YES1: variants seen among roughly 807,000 people sequenced by gnomAD.
YES1 encodes the protein YES proto-oncogene 1, Src family tyrosine kinase.
YES1 carries 39 observed loss-of-function variants against 70.4 expected under a neutral mutation model. The ratio of observed to expected loss-of-function variants is 0.55; its 90% CI spans 0.43 to 0.72. The LOEUF is 0.72. YES1 is among the 30% of genes least tolerant of loss of function. YES1 has a pLI of 0.00. For missense variants in YES1, 495 were observed against 644.8 expected (o/e 0.77, Z 2.52); for synonymous variants, 198 against 218.6 (o/e 0.91, Z 0.83).
chr18:806,563 C>G (rs892874048), intron 1 of YES1, among the ~76,000 whole-genome samples: 1 of 152,184 alleles, frequency 6.6e-6, no homozygotes. Context: ...TCCCTACATA[C>G]AATTCAGAAT....
intron 1 of YES1, among the ~76,000 whole-genome samples, chr18:765,486 G>A (rs7504637): frequency 1.4e-5 from 2 of 147,962 alleles, no homozygotes; most frequent in Non-Finnish European, 3.0e-5. Flanking sequence ...GCAACCTCCC[G>A]CTCCCCGGTT....
At chr18:805,651 C>T (rs1251827903) in intron 1 of YES1, among the ~76,000 whole-genome samples, 1 of 152,204 alleles carries the variant, frequency 6.6e-6, no homozygotes. Flanking sequence ...CTCTACCTTC[C>T]AGTCCTTTCC....
chr18:786,475 ACAT>A (rs1905946224), intron 1 of YES1, among the ~76,000 whole-genome samples: 1 of 148,262 alleles, frequency 6.7e-6, no homozygotes, highest in African/African-American at 2.5e-5. Context: ...ATTACTATAA[ACAT>A]CATCATTAAT....
Position 746,020 on chromosome 18 carries a change from C to T in YES1, c.502G>A (p.Ala168Thr). The T allele has an allele frequency of 1.9e-6, 3 of 1,612,544 alleles. No individual in the cohort carries two copies. The highest frequency in any genetic ancestry group is 2.5e-6 in the Non-Finnish European group (3 of 1,179,594). ...WYFGKMGRKDAERLLLNPGNQ... is the reference protein window; with the variant it reads ...WYFGKMGRKDTERLLLNPGNQ... Reference sequence around the variant, plus strand: ...CCAGGATTCAAAAGTAATCTTTCAGCATCTTTTCTCCCCATTTTGCCAAAA... The same window carrying T: ...CCAGGATTCAAAAGTAATCTTTCAGTATCTTTTCTCCCCATTTTGCCAAAA... Residue 168 changes from alanine (A) to threonine (T), a missense_variant, in exon 5 of 12, where the codon GCT becomes ACT. Physicochemically the swap from Ala to Thr is moderately conservative, Grantham distance 58. Coordinates refer to ENST00000314574, the MANE Select transcript of YES1 (RefSeq NM_005433.4).
intron 3 of YES1, among the ~76,000 whole-genome samples, chr18:749,222 G>A (rs952104225): frequency 6.6e-6 from 1 of 151,518 alleles, no homozygotes; most frequent in African/African-American, 2.4e-5. Context: ...GGCCGGGCGC[G>A]GTGGCTTACG....
At chr18:758,147 T>C (rs1275084036) in intron 1 of YES1, among the ~76,000 whole-genome samples, 1 of 152,228 alleles carries the variant, frequency 6.6e-6, no homozygotes, top group East Asian at 1.9e-4. Context: ...TAGTATTTTA[T>C]TTAACCCAGT....
intron 1 of YES1, among the ~76,000 whole-genome samples, chr18:764,757 G>A (rs546246612): frequency 1.3e-5 from 2 of 151,908 alleles, no homozygotes; most frequent in East Asian, 1.9e-4. Context: ...TTTTGAGACG[G>A]AGTCTCGTTC....
At chr18:790,568 A>C (rs1906193708) in intron 1 of YES1, among the ~76,000 whole-genome samples, 1 of 152,206 alleles carries the variant, frequency 6.6e-6, no homozygotes, top group Non-Finnish European at 1.5e-5. Context: ...AGAAACACAA[A>C]GGGAGAGTAC....
intron 1 of YES1, among the ~76,000 whole-genome samples, chr18:783,928 G>A (rs1905807997): frequency 6.6e-6 from 1 of 152,036 alleles, no homozygotes; most frequent in Non-Finnish European, 1.5e-5. Context: ...AATTTTTCAT[G>A]TTATTAATAT....
intron 3 of YES1, 62 bp downstream of exon 3, chr18:751,643 G>T: frequency 1.8e-6 from 2 of 1,122,362 alleles, no homozygotes; most frequent in Non-Finnish European, 2.7e-6. Flanking sequence ...CAGCTCAGTG[G>T]TTCCTGTGTA....
rs2080254372 is a variant in YES1 at position 744,464 on chromosome 18, A to T, written c.725-1049T>A. ...GAGTGCAGTGGTGTGGTCTCAGCTC[A>T]CTGCAACTTCCACCTCCCAGGTTCA... On this transcript the variant is annotated intron_variant, in intron 6 of 11. Coordinates refer to ENST00000314574, the MANE Select transcript of YES1 (RefSeq NM_005433.4). 4.0e-5 allele frequency among the ~76,000 whole-genome samples: 6 copies of T among 150,362 alleles called. No homozygotes were observed. The South Asian group carries it at 1.3e-3, about 32-fold the overall frequency.
intron 10 of YES1, among the ~76,000 whole-genome samples, chr18:733,203 C>G (rs1385343679): frequency 6.6e-6 from 1 of 152,072 alleles, no homozygotes; most frequent in African/African-American, 2.4e-5. Flanking sequence ...GCTGTGGGAA[C>G]AGAAAACAAT....
chr18:760,940 T>A (rs1307640081), intron 1 of YES1, among the ~76,000 whole-genome samples: 1 of 152,002 alleles, frequency 6.6e-6, no homozygotes, highest in African/African-American at 2.4e-5. Context: ...CTCTTATGCA[T>A]GAAAAGAAAA....
intron 1 of YES1, among the ~76,000 whole-genome samples, chr18:797,705 A>T (rs1906612463): frequency 6.6e-6 from 1 of 152,206 alleles, no homozygotes; most frequent in African/African-American, 2.4e-5. Context: ...AACTTTAAAA[A>T]TTTTGTCAGG....
chr18:770,411 C>A (rs753438637), intron 1 of YES1, among the ~76,000 whole-genome samples: 11 of 151,994 alleles, frequency 7.2e-5, no homozygotes, highest in South Asian at 6.2e-4. Flanking sequence ...TGTCAGTTCA[C>A]ATCAATCTGG....
intron 1 of YES1, among the ~76,000 whole-genome samples, chr18:769,494 G>A (rs1421453770): frequency 1.3e-5 from 2 of 152,154 alleles, no homozygotes; most frequent in Admixed American, 6.6e-5. Flanking sequence ...CTATGCCTTG[G>A]TTCTCAATCT....
intron 1 of YES1, among the ~76,000 whole-genome samples, chr18:770,678 C>A (rs7243499): frequency 0.63 from 95,475 of 151,990 alleles, 31,144 homozygotes; most frequent in African/African-American, 0.82. Flanking sequence ...TGGGTGGGTG[C>A]CTGTAAAGCT....
rs1376471996 is a variant in YES1 at position 743,916 on chromosome 18, A to ATAT, written c.725-502_725-501insATA. Among the ~76,000 whole-genome samples the ATAT allele has an allele frequency of 1.4e-3, 204 of 146,306 alleles. 1 individual carries two copies. The highest frequency in any genetic ancestry group is 4.8e-3 in the African/African-American group (188 of 39,146). On this transcript the variant is annotated intron_variant, in intron 6 of 11. Coordinates refer to ENST00000314574, the MANE Select transcript of YES1 (RefSeq NM_005433.4). Reference sequence around the variant, plus strand: ...GTGAGATTCTGACTCGAAAAAAAAAAAAATATATATATATATACATGTTAT... The same window carrying ATAT: ...GTGAGATTCTGACTCGAAAAAAAAAATATAAATATATATATATATACATGTTAT...
At chr18:725,505 A>G (rs1354393743) in intron 11 of YES1, among the ~76,000 whole-genome samples, 1 of 151,962 alleles carries the variant, frequency 6.6e-6, no homozygotes, top group African/African-American at 2.4e-5. Context: ...TTAAACTATT[A>G]AAAAAAACTC....
Sources: allele counts gnomAD v4.1 joint callset (sites outside exome capture counted in the v4.1 genomes callset), GRCh38; gene constraint gnomAD v4.1.1; transcripts MANE v1.5; gene names NCBI Gene and HGNC (gene_info 2026-07-23, HGNC 2026-07-21).